Variants in NDUFB7 observed in about 807,000 individuals in gnomAD.
NDUFB7 encodes NADH dehydrogenase [ubiquinone] 1 beta subcomplex subunit 7.
Under a neutral mutation model 14.7 loss-of-function variants are expected in NDUFB7, and 18 were observed. The observed-to-expected ratio is 1.22, with a 90% confidence interval of 0.85 to 1.81. The LOEUF (loss-of-function observed/expected upper bound fraction) is 1.81, where lower values mean the gene tolerates loss of function less well. Ranked by LOEUF, NDUFB7 falls within the 40% of genes most tolerant of loss-of-function variation. The pLI is 0.00. For missense variants in NDUFB7, 219 were observed against 195.0 expected (o/e 1.12, Z -0.73); for synonymous variants, 86 against 76.1 (o/e 1.13, Z -0.68).
chr19:14,569,481 C>T (rs2074112107), intron 1 of NDUFB7, among the ~76,000 whole-genome samples: 1 of 151,974 alleles, frequency 6.6e-6, no homozygotes, highest in African/African-American at 2.4e-5. Context: ...ATCTCCCCGC[C>T]CCCCATTATG....
chr19:14,571,258 A>G (rs1021405240), intron 1 of NDUFB7, among the ~76,000 whole-genome samples: 1 of 152,174 alleles, frequency 6.6e-6, no homozygotes, highest in Non-Finnish European at 1.5e-5. Flanking sequence ...AAGGGGGTAC[A>G]ATGAACGTGT....
In NDUFB7 at chr19:14,567,135, A is replaced by AC. The variant is rs1362431868; in HGVS notation, c.113-203dup. On this transcript the variant is annotated intron_variant, in intron 1 of 2. Transcript: ENST00000215565. The surrounding 1 kb of genome is among the most constrained non-coding windows in gnomAD (Gnocchi z 5.1). ...TCCTTTTCTAATTTGCACAAAGGCAACTCCAGACACCAAGGGCCAGACAGG... is the reference window on the plus strand; with the variant it reads ...TCCTTTTCTAATTTGCACAAAGGCAACCTCCAGACACCAAGGGCCAGACAGG... 6.6e-6 allele frequency among the ~76,000 whole-genome samples: 1 copy of AC among 151,268 alleles called. No individual in the cohort carries two copies. The highest frequency in any genetic ancestry group is 1.5e-5 in the Non-Finnish European group (1 of 67,740).
At chr19:14,571,102 G>C (rs938656316) in intron 1 of NDUFB7, among the ~76,000 whole-genome samples, 3 of 151,646 alleles carry the variant, frequency 2.0e-5, no homozygotes, top group Non-Finnish European at 4.4e-5. Context: ...AGGATGCAAT[G>C]AGCTGTGATT....
Position 14,566,207 on chromosome 19 carries a change from G to C in NDUFB7, c.340C>G (p.Arg114Gly), listed in dbSNP as rs368670689. 2 of 1,614,022 alleles carry C rather than the reference G, an allele frequency of 1.2e-6. No individual in the cohort carries two copies. Among genetic ancestry groups the C allele is most frequent in the Non-Finnish European group, 8.5e-7 (1 of 1,179,980 alleles). ...RERRLLQRKK[R>G]REKKAAELAK... ...AACTCTGCCGCCTTCTTCTCCCGCC[G>C]CTTCTTCCGCTGGAGCAGCCTCCGC... Residue 114 changes from arginine (R) to glycine (G), a missense_variant, in exon 3 of 3, where the codon CGG becomes GGG. Arg to Gly is a moderately radical substitution (Grantham distance 125). Transcript: ENST00000215565.
chr19:14,566,587 C>T (rs2052997090), intron 2 of NDUFB7, among the ~76,000 whole-genome samples, 178 bp downstream of exon 2: 1 of 72,792 alleles, frequency 1.4e-5, no homozygotes, highest in South Asian at 5.3e-4. Flanking sequence ...GCCTCTGGAG[C>T]CACATCCTGC....
At chr19:14,568,078 TC>T (rs1326432085) in intron 1 of NDUFB7, among the ~76,000 whole-genome samples, 2 of 152,166 alleles carry the variant, frequency 1.3e-5, no homozygotes, top group African/African-American at 4.8e-5. Flanking sequence ...GGAGTCTCAC[TC>T]TGTCACCCAG....
At position 14,571,908 on chromosome 19, in the gene NDUFB7, G is replaced by T. The variant is rs750649938; in HGVS notation, c.93C>A (p.Phe31Leu). The T allele has an allele frequency of 2.5e-6, 4 of 1,611,226 alleles. No homozygotes were observed. The highest frequency in any genetic ancestry group is 1.8e-4 in the Middle Eastern group (1 of 5,552). Reference sequence around the variant, plus strand: ...CCTCACCGCGCTCCTTGCGTTCGGGGAAGCCGTAGTCTGGCGGGAAGGTTG... The same window carrying T: ...CCTCACCGCGCTCCTTGCGTTCGGGTAAGCCGTAGTCTGGCGGGAAGGTTG... ...QMPTFPPDYG[F>L]PERKEREMVA... is the part of the protein sequence containing the mutation. The change falls in exon 1 of 3, where the codon TTC becomes TTA. Residue 31 changes from phenylalanine (F) to leucine (L), a missense_variant. Coordinates refer to ENST00000215565, the MANE Select transcript of NDUFB7 (RefSeq NM_004146.6).
intron 1 of NDUFB7, among the ~76,000 whole-genome samples, chr19:14,568,618 A>G (rs1424201364): frequency 1.3e-5 from 2 of 152,158 alleles, no homozygotes; most frequent in African/African-American, 4.8e-5. Flanking sequence ...CTGCCCTCAG[A>G]GGGAGACACA....
At chr19:14,571,169 A>G (rs2074122893) in intron 1 of NDUFB7, among the ~76,000 whole-genome samples, 1 of 152,118 alleles carries the variant, frequency 6.6e-6, no homozygotes, top group Non-Finnish European at 1.5e-5. Context: ...AGCAAAACAA[A>G]GCACTTTGCA....
Position 14,566,635 on chromosome 19 carries a change from T to C in NDUFB7, c.281+130A>G. The C allele has an allele frequency of 5.6e-6, 3 of 536,242 alleles. No homozygotes were observed. The South Asian group carries it at 6.1e-5, about 11-fold the overall frequency. The allele number at this position is 536,242 out of a possible 1,614,324, so 33.2% of individuals were successfully genotyped here. A position where few individuals can be genotyped will look rare whatever the true frequency, so the allele number is the denominator to read the frequency against. ...CTGGGTGGGGTGCAGGCTGTGGGTG[T>C]TGGCGGGGGTGGGAGGGGGGCTTGG... On this transcript the variant is annotated intron_variant, in intron 2 of 2. Transcript: ENST00000215565.
At position 14,572,042 on chromosome 19, in the gene NDUFB7, C is replaced by G; in HGVS notation, c.-42G>C. On this transcript the variant is annotated 5_prime_UTR_variant, in exon 1 of 3. Coordinates refer to ENST00000215565, the MANE Select transcript of NDUFB7 (RefSeq NM_004146.6). ...GATCCCTGCAGCAGCCGAGGGTCAC[C>G]TAGCTCCTACCCGGAACCACTGACC... 1 of 1,465,076 alleles carries G rather than the reference C, an allele frequency of 6.8e-7. No homozygotes were observed. Among genetic ancestry groups the G allele is most frequent in the Non-Finnish European group, 9.3e-7 (1 of 1,077,420 alleles). The allele number at this position is 1,465,076 out of a possible 1,614,324, so 90.8% of individuals were successfully genotyped here. A position where few individuals can be genotyped will look rare whatever the true frequency, so the allele number is the denominator to read the frequency against.
In NDUFB7 at chr19:14,567,629, C is replaced by T. The variant is rs1360617334; in HGVS notation, c.113-696G>A. 6.6e-6 allele frequency among the ~76,000 whole-genome samples: 1 copy of T among 152,154 alleles called. No individual in the cohort carries two copies. Among genetic ancestry groups the T allele is most frequent in the African/African-American group, 2.4e-5 (1 of 41,496 alleles). On this transcript the variant is annotated intron_variant, in intron 1 of 2. Transcript: ENST00000215565. The surrounding 1 kb of genome is among the most constrained non-coding windows in gnomAD (Gnocchi z 5.1). The stretch of plus-strand genomic sequence containing the variant: ...GGAATCCTGGACACTCACCCCGGAG[C>T]CTGTGCCTGGCGATCCTGCACTCGT...
intron 1 of NDUFB7, among the ~76,000 whole-genome samples, chr19:14,568,100 A>C (rs757806085): frequency 6.6e-6 from 1 of 152,126 alleles, no homozygotes; most frequent in African/African-American, 2.4e-5. Context: ...GCTGGAGGGC[A>C]GTGGCAAGAT....
intron 1 of NDUFB7, among the ~76,000 whole-genome samples, chr19:14,569,096 A>C (rs2074109864): frequency 6.6e-6 from 1 of 152,112 alleles, no homozygotes; most frequent in Non-Finnish European, 1.5e-5. Flanking sequence ...AATCGCTTGA[A>C]CCGGGAAGGC....
intron 1 of NDUFB7, among the ~76,000 whole-genome samples, chr19:14,570,142 C>A (rs1312719948): frequency 6.6e-6 from 1 of 151,982 alleles, no homozygotes; most frequent in Non-Finnish European, 1.5e-5. Flanking sequence ...GGTGATCCAC[C>A]GGCCTTGGCC....
chr19:14,566,727 CGGGCCGGGGTGTTGG>C (rs1181746992), intron 2 of NDUFB7, 23 bp downstream of exon 2: 66 of 1,404,012 alleles, frequency 4.7e-5, no homozygotes, highest in Non-Finnish European at 5.7e-5. Context: ...TGGGGTGTTG[CGGGCCGGGGTGTTGG>C]GGGCTGGTGT....
chr19:14,570,729 T>C (rs1313245604), intron 1 of NDUFB7, among the ~76,000 whole-genome samples: 1 of 152,244 alleles, frequency 6.6e-6, no homozygotes. Context: ...CCCACTGTGC[T>C]GAGTTCTCTG....
At position 14,567,025 on chromosome 19, in the gene NDUFB7, G is replaced by A; in HGVS notation, c.113-92C>T. ...GGACCGAGGCACACGGCTTCAGGAA[G>A]GCACGGCTTGGGGTGTCCCCCATTC... is the stretch of plus-strand genomic sequence containing the variant. On this transcript the variant is annotated intron_variant, in intron 1 of 2. Transcript: ENST00000215565. This position sits in a 1 kb window ranked among gnomAD's most constrained non-coding sequence, Gnocchi z 5.1. 2 of 1,335,200 alleles carry A rather than the reference G, an allele frequency of 1.5e-6. No homozygotes were observed. Among genetic ancestry groups the A allele is most frequent in the Non-Finnish European group, 2.0e-6 (2 of 986,116 alleles). The allele number at this position is 1,335,200 out of a possible 1,614,324, so 82.7% of individuals were successfully genotyped here.
rs370891085 is a variant in NDUFB7 at position 14,569,140 on chromosome 19, G to C, written c.113-2207C>G. ...CAGTGAGCAAAGTGACTGGCTGAAA[G>C]GGGGTGGAAAGGAGGAAAGAGAGGG... On this transcript the variant is annotated intron_variant, in intron 1 of 2. Transcript: ENST00000215565. Among the ~76,000 whole-genome samples, 16 of 152,024 alleles carry C rather than the reference G, an allele frequency of 1.1e-4. No individual in the cohort carries two copies. The East Asian group carries it at 2.9e-3, about 28-fold the overall frequency.
Sources: gnomAD v4.1 joint callset for allele counts (sites outside exome capture counted in the v4.1 genomes callset) on GRCh38, gnomAD v4.1.1 for gene constraint, Gnocchi (gnomAD v3.1) non-coding constraint, MANE v1.5 for transcripts, NCBI Gene and HGNC (gene_info 2026-07-23, HGNC 2026-07-21) for gene names.